The following DPP6 variants were observed in gnomAD, a reference collection of about 807,000 sequenced individuals.
DPP6 encodes A-type potassium channel modulatory protein DPP6.
Under a neutral mutation model 122.6 loss-of-function variants are expected in DPP6, and 69 were observed. The observed-to-expected ratio is 0.56, with a 90% confidence interval of 0.46 to 0.69. The LOEUF (loss-of-function observed/expected upper bound fraction) is 0.69. DPP6 is among the 30% of genes least tolerant of loss of function. The pLI, the probability that DPP6 is intolerant of heterozygous loss-of-function variation, is 0.00. For missense variants in DPP6, 928 were observed against 1,116.9 expected (o/e 0.83, Z 2.41); for synonymous variants, 418 against 433.1 (o/e 0.97, Z 0.43).
At chr7:153,908,980 C>A (rs1799962092) in intron 1 of DPP6, among the ~76,000 whole-genome samples, 1 of 152,154 alleles carries the variant, frequency 6.6e-6, no homozygotes, top group Admixed American at 6.5e-5. Flanking sequence ...TCTCGAACTC[C>A]TAACCTCATG....
intron 5 of DPP6, among the ~76,000 whole-genome samples, chr7:154,616,000 T>C: frequency 6.6e-6 from 1 of 152,318 alleles, no homozygotes; most frequent in South Asian, 2.1e-4. Flanking sequence ...GGTGTATTGC[T>C]CTTAGCATAA....
At chr7:154,638,722 C>G (rs923197052) in intron 6 of DPP6, among the ~76,000 whole-genome samples, 1 of 152,216 alleles carries the variant, frequency 6.6e-6, no homozygotes. Flanking sequence ...CATGTTGAGT[C>G]AGACACAGAT....
At chr7:153,989,971 C>A (rs1167222659) in intron 1 of DPP6, among the ~76,000 whole-genome samples, 2 of 138,094 alleles carry the variant, frequency 1.4e-5, no homozygotes, top group Middle Eastern at 3.8e-3. Flanking sequence ...AGAGCCACAC[C>A]CCCAACAGCT....
chr7:154,632,062 A>C (rs146415910), intron 5 of DPP6, among the ~76,000 whole-genome samples: 1 of 152,354 alleles, frequency 6.6e-6, no homozygotes, highest in African/African-American at 2.4e-5. Context: ...CAGAAAACAG[A>C]AGTGAGGGAC....
chr7:154,820,231 C>T (rs1391034934), intron 16 of DPP6, among the ~76,000 whole-genome samples: 4 of 152,178 alleles, frequency 2.6e-5, no homozygotes, highest in East Asian at 1.9e-4. Flanking sequence ...GGCCTCAGAC[C>T]GAGCGCCTGG....
intron 1 of DPP6, among the ~76,000 whole-genome samples, chr7:153,936,066 TC>T (rs1464673102): frequency 6.6e-6 from 1 of 152,182 alleles, no homozygotes; most frequent in Non-Finnish European, 1.5e-5. Context: ...TGGGTGCAGT[TC>T]CCTTAAGGGG....
At chr7:154,612,684 G>A (rs890328033) in intron 5 of DPP6, among the ~76,000 whole-genome samples, 1 of 152,186 alleles carries the variant, frequency 6.6e-6, no homozygotes. Flanking sequence ...GCTGGGTTGC[G>A]TGGTGATTGG....
chr7:153,926,898 A>G (rs1211291051), intron 1 of DPP6, among the ~76,000 whole-genome samples: 1 of 152,168 alleles, frequency 6.6e-6, no homozygotes, highest in Non-Finnish European at 1.5e-5. Flanking sequence ...ATTTTAAATT[A>G]TTGTTGTGGA....
At chr7:154,802,737 T>C (rs1209608428) in intron 13 of DPP6, among the ~76,000 whole-genome samples, 2 of 149,932 alleles carry the variant, frequency 1.3e-5, no homozygotes, top group Admixed American at 6.7e-5. Context: ...CTTGGGAGAC[T>C]GAAGTAGGAG....
intron 1 of DPP6, among the ~76,000 whole-genome samples, chr7:154,072,815 G>A (rs530975736): frequency 4.6e-4 from 70 of 152,396 alleles, no homozygotes; most frequent in Middle Eastern, 3.4e-3. Flanking sequence ...TTCCATCAGA[G>A]CAACATGAAG....
chr7:154,143,550 A>T (rs943273500), intron 1 of DPP6, among the ~76,000 whole-genome samples: 2 of 151,998 alleles, frequency 1.3e-5, no homozygotes, highest in Non-Finnish European at 2.9e-5. Flanking sequence ...TACTCTAATC[A>T]CCCAAACAGA....
Position 154,500,717 on chromosome 7 carries a change from G to A in DPP6, c.457+25680G>A, listed in dbSNP as rs191936087. 1.7e-3 allele frequency among the ~76,000 whole-genome samples: 260 copies of A among 152,282 alleles called. 3 individuals carry two copies. Among genetic ancestry groups the A allele is most frequent in the East Asian group, 1.2e-3 (6 of 5,178 alleles). ...TAAACCTCTTTCTTTTGTCAACTGC[G>A]CAGTCTTGGGTATGTCTTTATCAGC... On this transcript the variant is annotated intron_variant, in intron 3 of 25. Transcript: ENST00000377770.
chr7:154,837,108 C>T (rs1049963312), intron 16 of DPP6, among the ~76,000 whole-genome samples: 7 of 152,048 alleles, frequency 4.6e-5, no homozygotes, highest in Non-Finnish European at 1.0e-4. Flanking sequence ...CACCTGCATG[C>T]ACACACACAC....
intron 1 of DPP6, among the ~76,000 whole-genome samples, chr7:154,265,094 A>G: frequency 6.6e-6 from 1 of 152,238 alleles, no homozygotes; most frequent in East Asian, 1.9e-4. Flanking sequence ...GGTGATGATG[A>G]TGGTGATGAT....
chr7:153,763,664 T>C, the DPP6 span, among the ~76,000 whole-genome samples: 261 of 152,316 alleles, frequency 1.7e-3, 1 homozygote, highest in African/African-American at 6.1e-3. Context: ...CTGGGTTTAC[T>C]AATGTGTTAT....
In DPP6 at chr7:154,776,035, G is replaced by T. The variant is rs543340433; in HGVS notation, c.1136+3093G>T. Among the ~76,000 whole-genome samples, 379 of 147,642 alleles carry T rather than the reference G, an allele frequency of 2.6e-3. 1 individual carries two copies. The highest frequency in any genetic ancestry group is 8.8e-3 in the African/African-American group (350 of 39,610). The stretch of plus-strand genomic sequence containing the variant: ...CTCCCTGGCCTGGCCCACCAGCACT[G>T]CCCCCTCCTGCCCCACCCACTGCTG... On this transcript the variant is annotated intron_variant, in intron 10 of 25. Coordinates refer to ENST00000377770, the MANE Select transcript of DPP6 (RefSeq NM_130797.4).
chr7:154,215,461 G>A (rs1334841790), intron 1 of DPP6, among the ~76,000 whole-genome samples: 1 of 152,170 alleles, frequency 6.6e-6, no homozygotes, highest in African/African-American at 2.4e-5. Context: ...AGGCTCTGTG[G>A]TGTGCGGATG....
At chr7:154,798,157 C>T (rs943071205) in intron 12 of DPP6, among the ~76,000 whole-genome samples, 15 of 152,224 alleles carry the variant, frequency 9.9e-5, no homozygotes, top group Non-Finnish European at 1.5e-4. Flanking sequence ...GAGCTGGCTT[C>T]CCAGCTGGCC....
intron 5 of DPP6, among the ~76,000 whole-genome samples, chr7:154,620,970 A>G (rs1314714594): frequency 6.6e-6 from 1 of 152,240 alleles, no homozygotes; most frequent in Non-Finnish European, 1.5e-5. Flanking sequence ...AGAATGCCAT[A>G]CACTTGAAAT....
Sources: gnomAD v4.1 joint callset for allele counts (sites outside exome capture counted in the v4.1 genomes callset) on GRCh38, gnomAD v4.1.1 for gene constraint, MANE v1.5 for transcripts, NCBI Gene and HGNC (gene_info 2026-07-23, HGNC 2026-07-21) for gene names.